NBPF9: variants seen among roughly 807,000 people sequenced by gnomAD.
NBPF9 encodes NBPF member 9, also known as NBPF family member NBPF9.
Under a neutral mutation model 97.8 loss-of-function variants are expected in NBPF9, and 91 were observed. The observed-to-expected ratio is 0.93, with a 90% confidence interval of 0.79 to 1.11. The LOEUF (loss-of-function observed/expected upper bound fraction) is 1.11, where lower values mean the gene tolerates loss of function less well. Among genes scored for constraint, NBPF9 ranks in the 50% least tolerant of loss-of-function variants. The probability of loss-of-function intolerance (pLI) is 0.00; values close to 1 mark genes in which losing one functional copy is unlikely to be tolerated. For missense variants in NBPF9, 992 were observed against 939.5 expected, an observed-to-expected ratio of 1.06 and a Z score of -0.73; for synonymous variants, 334 against 359.5, an observed-to-expected ratio of 0.93 and a Z score of 0.80.
Position 149,073,595 on chromosome 1 carries a change from C to T in NBPF9, c.1091+173G>A, listed in dbSNP as rs201140891. 2.1e-4 allele frequency among the ~76,000 whole-genome samples: 31 copies of T among 149,668 alleles called. 1 individual carries two copies. The East Asian group carries it at 5.2e-3, about 25-fold the overall frequency. ...CTCTGAGAAACAACTGCAACCCATA[C>T]ATTTTTATTATCCTTCTTCTCTGTT... On this transcript the variant is annotated intron_variant, in intron 13 of 29. Coordinates refer to ENST00000584027, the Ensembl canonical transcript of NBPF9.
At chr1:149,078,844 T>A (rs1222545559) in intron 9 of NBPF9, among the ~76,000 whole-genome samples, 163 bp downstream of exon 9, 2 of 150,816 alleles carry the variant, frequency 1.3e-5, no homozygotes, top group Admixed American at 1.3e-4. Context: ...AACCCATGGG[T>A]TTCCCATCTC....
At chr1:149,067,252 C>CTT (rs1209763792) in intron 17 of NBPF9, among the ~76,000 whole-genome samples, 2 of 119,906 alleles carry the variant, frequency 1.7e-5, no homozygotes, top group Non-Finnish European at 3.6e-5. Flanking sequence ...ATTCAACATT[C>CTT]TTTTTTTTTT....
chr1:149,076,505 AT>A (rs587753430), intron 11 of NBPF9, among the ~76,000 whole-genome samples: 5,799 of 122,716 alleles, frequency 0.047, 398 homozygotes, highest in African/African-American at 0.16. Flanking sequence ...CAGAGACTTT[AT>A]TTTTTTTTTT....
chr1:149,079,320 C>A, intron 8 of NBPF9, 99 bp from the exon 9 acceptor site: 2 of 1,278,696 alleles, frequency 1.6e-6, no homozygotes, highest in Non-Finnish European at 2.3e-6. Flanking sequence ...CTCAAGGAGA[C>A]CTTGAAACAG....
exon 9 of NBPF9, chr1:149,079,221 C>T (rs782132399): frequency 1.5e-5 from 12 of 812,510 alleles, no homozygotes; most frequent in Admixed American, 8.6e-5. Flanking sequence ...CTTTATATTG[C>T]CTAAGGTGAG....
intron 12 of NBPF9, among the ~76,000 whole-genome samples, chr1:149,074,809 CATT>C (rs369434237): frequency 0.14 from 21,104 of 149,578 alleles, 1,997 homozygotes; most frequent in Middle Eastern, 0.2. Flanking sequence ...TATTTATCAT[CATT>C]ATTATTATTA....
chr1:149,054,780 T>C (rs1437970051), exon 30 of NBPF9: 1 of 152,070 alleles, frequency 6.6e-6, no homozygotes, highest in African/African-American at 2.4e-5. Context: ...ACCCAAAATA[T>C]CTCTTCTCCT....
intron 3 of NBPF9, among the ~76,000 whole-genome samples, chr1:149,101,029 T>G (rs1259502252): frequency 6.6e-6 from 1 of 151,556 alleles, no homozygotes; most frequent in Non-Finnish European, 1.5e-5. Context: ...ATTGATTTCT[T>G]AAACAGGACA....
downstream of NBPF9, among the ~76,000 whole-genome samples, chr1:149,052,214 A>C (rs1220195394): frequency 5.9e-5 from 9 of 151,780 alleles, no homozygotes; most frequent in Non-Finnish European, 1.3e-4. Flanking sequence ...ATTATCAATA[A>C]ACACAAACCA....
intron 26 of NBPF9, 162 bp downstream of exon 26, chr1:149,058,763 C>A (rs2078405071): frequency 2.7e-5 from 17 of 625,238 alleles, no homozygotes; most frequent in East Asian, 1.7e-4. Context: ...CATGTCTAGG[C>A]TTCCAACTGA....
At chr1:149,076,961 AT>A (rs1553654541) in intron 11 of NBPF9, among the ~76,000 whole-genome samples, 1 of 151,090 alleles carries the variant, frequency 6.6e-6, no homozygotes, top group African/African-American at 2.4e-5. Context: ...TGCCTGCCTA[AT>A]TTTTTGTGTT....
At chr1:149,055,843 T>A (rs781812137) in exon 30 of NBPF9, 4 of 1,606,002 alleles carry the variant, frequency 2.5e-6, no homozygotes, top group Non-Finnish European at 3.4e-6. Context: ...ATAACATCCA[T>A]CCAGTGAGTC....
chr1:149,055,601 C>G (rs1043480), exon 30 of NBPF9: 321 of 1,593,136 alleles, frequency 2.0e-4, no homozygotes, highest in Non-Finnish European at 2.4e-4. Flanking sequence ...CAAAACTTCA[C>G]GTGCCTATAG....
At chr1:149,058,834 C>G (rs2078411977) in intron 26 of NBPF9, 91 bp downstream of exon 26, 1 of 712,342 alleles carries the variant, frequency 1.4e-6, no homozygotes, top group Non-Finnish European at 2.6e-6. Context: ...AATGACATCT[C>G]TCAGGTCAGT....
chr1:149,101,621 G>A (rs1470925195), intron 2 of NBPF9, among the ~76,000 whole-genome samples: 5 of 151,182 alleles, frequency 3.3e-5, no homozygotes, highest in Non-Finnish European at 5.9e-5. Flanking sequence ...GACAATAAAA[G>A]ATACTCAATC....
In NBPF9 at chr1:149,059,710, G is replaced by A. The variant is rs1221600045; in HGVS notation, c.2575C>T (p.Pro859Ser). 7.0e-6 allele frequency: 4 copies of A among 571,832 alleles called. 1 individual carries two copies. Among genetic ancestry groups the A allele is most frequent in the South Asian group, 1.9e-5 (1 of 52,648 alleles). The allele number at this position is 571,832 out of a possible 1,614,324, so 35.4% of individuals were successfully genotyped here. The change falls in exon 25 of 30, where the codon CCA becomes TCA. Residue 859 changes from proline to serine, a missense_variant. Pro to Ser is a moderately conservative substitution (Grantham distance 74). This residue lies in a region of NBPF9 where 397 missense variants were observed against 213.6 expected (regional missense o/e 1.86). Coordinates refer to ENST00000584027, the Ensembl canonical transcript of NBPF9. The stretch of plus-strand genomic sequence containing the variant: ...ATTGCTGAAAGTCACCTGGGGCATG[G>A]TGGGTTTTGATTTTCTTCCCCTTCT...
intron 3 of NBPF9, among the ~76,000 whole-genome samples, chr1:149,099,230 A>G (rs1335255677): frequency 1.3e-5 from 2 of 152,250 alleles, no homozygotes; most frequent in African/African-American, 4.8e-5. Flanking sequence ...CTATCTGTAC[A>G]CGTATATTCT....
exon 14 of NBPF9, chr1:149,072,825 G>A (rs1553653276): frequency 1.3e-6 from 2 of 1,597,052 alleles, no homozygotes; most frequent in Non-Finnish European, 1.7e-6. Context: ...AGTGAGGAGG[G>A]CCTGGAGATG....
At chr1:149,060,081 CCAAT>C (rs1259024337) in intron 24 of NBPF9, 1 of 297,798 alleles carries the variant, frequency 3.4e-6, no homozygotes, top group Non-Finnish European at 6.1e-6. Context: ...CCATATTTTT[CCAAT>C]CAATTTAAAG....
Sources: gnomAD v4.1 joint callset for allele counts (sites outside exome capture counted in the v4.1 genomes callset) on GRCh38, gnomAD v4.1.1 for gene constraint, gnomAD v4.1.1 regional missense constraint, MANE v1.5 for transcripts, NCBI Gene and HGNC (gene_info 2026-07-23, HGNC 2026-07-21) for gene names.